The following RCC2 variants were observed in gnomAD, a reference collection of about 807,000 sequenced individuals.
RCC2 encodes the protein regulator of chromosome condensation 2.
Under a neutral mutation model 64.1 loss-of-function variants are expected in RCC2, and 19 were observed. That is an observed-to-expected ratio of 0.30 (90% CI 0.21 to 0.44). The LOEUF is 0.44. Ranked by LOEUF, RCC2 falls within the 20% of genes least tolerant of loss-of-function variation. The probability of loss-of-function intolerance (pLI) is 1.00; values close to 1 mark genes in which losing one functional copy is unlikely to be tolerated. For missense variants in RCC2, 508 were observed against 710.4 expected (o/e 0.72, Z 3.24); for synonymous variants, 325 against 279.6 (o/e 1.16, Z -1.62).
intron 2 of RCC2, among the ~76,000 whole-genome samples, chr1:17,430,476 C>CA (rs1309045909): frequency 7.8e-6 from 1 of 127,564 alleles, no homozygotes; most frequent in Admixed American, 8.5e-5. Context: ...GTGACATAGC[C>CA]AGGCCTTGTC....
chr1:17,416,986 T>G (rs1166560985), intron 7 of RCC2, among the ~76,000 whole-genome samples: 1 of 152,174 alleles, frequency 6.6e-6, no homozygotes, highest in Non-Finnish European at 1.5e-5. Context: ...GAAAACTTAT[T>G]TCTTACAATG....
At chr1:17,409,615 C>G (rs1488616313) in intron 12 of RCC2, among the ~76,000 whole-genome samples, 2 of 152,246 alleles carry the variant, frequency 1.3e-5, no homozygotes, top group African/African-American at 4.8e-5. Context: ...CTGACTCCTG[C>G]AGCCACGCAG....
Position 17,406,858 on chromosome 1 carries a change from T to G in RCC2, c.*2232A>C, listed in dbSNP as rs1421246817. 3.9e-5 allele frequency: 6 copies of G among 152,194 alleles called. No homozygotes were observed. Among genetic ancestry groups the G allele is most frequent in the African/African-American group, 1.4e-4 (6 of 41,452 alleles). The allele number at this position is 152,194 out of a possible 1,614,324, so 9.4% of individuals were successfully genotyped here. ...AATTACAGCACTAAACCAGGCACCT[T>G]CGACCAAATCACAACCTCCTCTTTG... is the stretch of plus-strand genomic sequence containing the variant. On this transcript the variant is annotated 3_prime_UTR_variant, in exon 13 of 13. Transcript: ENST00000375436.
chr1:17,420,932 G>A (rs2075549136), intron 6 of RCC2, 104 bp from the exon 7 acceptor site: 1 of 722,292 alleles, frequency 1.4e-6, no homozygotes, highest in South Asian at 1.9e-5. Flanking sequence ...ACAAACGGAA[G>A]TTTAATAAAC....
At chr1:17,416,090 C>T (rs75920241) in intron 8 of RCC2, among the ~76,000 whole-genome samples, 137 of 18,404 alleles carry the variant, frequency 7.4e-3, no homozygotes, top group African/African-American at 0.028. Flanking sequence ...GGGGGGGGGG[C>T]GGGGGGGACA....
chr1:17,422,105 G>A (rs768493181), intron 6 of RCC2, 98 bp downstream of exon 6: 1 of 772,746 alleles, frequency 1.3e-6, no homozygotes, highest in Non-Finnish European at 2.1e-6. Flanking sequence ...GTTTTTACAA[G>A]GGGTAAATTA....
chr1:17,437,620 C>T (rs1449503478), intron 2 of RCC2, among the ~76,000 whole-genome samples: 1 of 4,996 alleles, frequency 2.0e-4, no homozygotes, highest in Non-Finnish European at 5.2e-4. Context: ...CAAACAAAGC[C>T]CGAGCACCGC....
intron 11 of RCC2, among the ~76,000 whole-genome samples, chr1:17,410,733 C>T (rs936059160): frequency 6.6e-6 from 1 of 152,178 alleles, no homozygotes; most frequent in Non-Finnish European, 1.5e-5. Flanking sequence ...CTGGTTTCAT[C>T]TCCTGCCAGG....
At chr1:17,421,001 T>C (rs1205962244) in intron 6 of RCC2, among the ~76,000 whole-genome samples, 173 bp from the exon 7 acceptor site, 2 of 152,100 alleles carry the variant, frequency 1.3e-5, no homozygotes, top group African/African-American at 2.4e-5. Flanking sequence ...TTAGAAGATA[T>C]GTAAAGAAGC....
rs571667708 is a variant in RCC2 at position 17,417,240 on chromosome 1, C to T, written c.860-594G>A. On this transcript the variant is annotated intron_variant, in intron 7 of 12. Transcript: ENST00000375436. ...GGGACTGGTTCGCAAAGACCCAGCTCAGCACACCACACACCAGAAGCCCGG... is the reference window on the plus strand; with the variant it reads ...GGGACTGGTTCGCAAAGACCCAGCTTAGCACACCACACACCAGAAGCCCGG... Among the ~76,000 whole-genome samples, 10 of 152,304 alleles carry T rather than the reference C, an allele frequency of 6.6e-5. No homozygotes were observed. In the East Asian group the frequency reaches 1.9e-3, roughly 30 times the overall value.
At chr1:17,438,207 C>T (rs1338121751) in intron 2 of RCC2, 23 bp downstream of exon 2, 1 of 1,237,516 alleles carries the variant, frequency 8.1e-7, no homozygotes. Flanking sequence ...TGCGCCCACC[C>T]GTCTACCCTG....
intron 2 of RCC2, among the ~76,000 whole-genome samples, chr1:17,437,240 A>G (rs1017942044): frequency 6.6e-6 from 1 of 152,202 alleles, no homozygotes; most frequent in African/African-American, 2.4e-5. Context: ...CACCCTTAGG[A>G]GATGGGCACT....
At chr1:17,413,490 G>A (rs750520710) in intron 9 of RCC2, 47 bp downstream of exon 9, 61 of 1,584,056 alleles carry the variant, frequency 3.9e-5, no homozygotes, top group South Asian at 1.0e-4. Flanking sequence ...ATGGCTACAC[G>A]GTTCCGCACC....
chr1:17,409,709 G>A (rs1374844397), intron 12 of RCC2, among the ~76,000 whole-genome samples: 2 of 152,210 alleles, frequency 1.3e-5, no homozygotes, highest in African/African-American at 2.4e-5. Flanking sequence ...CGATGTGCTC[G>A]CCCGAGAGTG....
chr1:17,432,859 G>A (rs1223364943), intron 2 of RCC2, among the ~76,000 whole-genome samples: 1 of 152,234 alleles, frequency 6.6e-6, no homozygotes, highest in African/African-American at 2.4e-5. Context: ...TCGGGAGGCT[G>A]AGACAGGAGA....
Position 17,438,276 on chromosome 1 carries a change from C to T in RCC2, c.239G>A (p.Gly80Asp). Residue 80 changes from glycine to aspartate, a missense_variant, in exon 2 of 13, where the codon GGC (glycine) becomes GAC (aspartate). Gly to Asp is a moderately conservative substitution (Grantham distance 94). Transcript: ENST00000375436. ...ARPATAGKAG[G>D]AAVVITEPEH... is the part of the protein sequence containing the mutation. ...GGGTTCGGTGATGACCACGGCCGCG[C>T]CGCCCGCCTTGCCTGCTGTCGCCGG... 1.5e-6 allele frequency: 2 copies of T among 1,308,120 alleles called. No homozygotes were observed. Among genetic ancestry groups the T allele is most frequent in the South Asian group, 1.7e-5 (1 of 57,294 alleles). 81.0% of individuals were successfully genotyped at this position (1,308,120 alleles called of 1,614,324 possible).
chr1:17,421,276 C>G (rs1490866176), intron 6 of RCC2, among the ~76,000 whole-genome samples: 2 of 151,992 alleles, frequency 1.3e-5, no homozygotes, highest in Non-Finnish European at 2.9e-5. Flanking sequence ...GCAGGCAGAT[C>G]AGGAAGTCAA....
intron 12 of RCC2, among the ~76,000 whole-genome samples, chr1:17,409,538 T>C (rs927876547): frequency 1.3e-5 from 2 of 152,002 alleles, no homozygotes; most frequent in African/African-American, 4.8e-5. Flanking sequence ...GCACCACCCC[T>C]CTCTGTGTCT....
rs539926924 is a variant in RCC2, at chr1:17,439,437, G to GC, written c.-9+107dup. The GC allele has an allele frequency of 5.0e-4, 66 of 133,084 alleles. 1 individual carries two copies. The highest frequency in any genetic ancestry group is 1.7e-3 in the African/African-American group (59 of 35,456). 8.2% of individuals were successfully genotyped at this position (133,084 alleles called of 1,614,324 possible). A position where few individuals can be genotyped will look rare whatever the true frequency, so the allele number is the denominator to read the frequency against. On this transcript the variant is annotated intron_variant, in intron 1 of 12. Transcript: ENST00000375436. Reference sequence around the variant, plus strand: ...CTCTTTTTATTCCTTCAATCACCCAGCCCCCCTCCCCCAGGTTTTTTTTTA... The same window carrying GC: ...CTCTTTTTATTCCTTCAATCACCCAGCCCCCCCTCCCCCAGGTTTTTTTTTA...
Sources: allele counts gnomAD v4.1 joint callset (sites outside exome capture counted in the v4.1 genomes callset), GRCh38; gene constraint gnomAD v4.1.1; transcripts MANE v1.5; gene names NCBI Gene and HGNC (gene_info 2026-07-23, HGNC 2026-07-21).